CFAP92: variants seen among roughly 807,000 people sequenced by gnomAD.
The protein encoded by CFAP92 is cilia and flagella associated protein 92 (putative).
A neutral mutation model predicts 106.3 loss-of-function variants in CFAP92; 86 were observed. The observed-to-expected ratio is 0.81, with a 90% CI of 0.68 to 0.97. The LOEUF (loss-of-function observed/expected upper bound fraction) is 0.97, where lower values mean the gene tolerates loss of function less well. Among genes scored for constraint, CFAP92 ranks in the 50% least tolerant of loss-of-function variants. The pLI, the probability that CFAP92 is intolerant of heterozygous loss-of-function variation, is 0.00. For synonymous variants in CFAP92, 477 were observed against 506.4 expected, an observed-to-expected ratio of 0.94 and a Z score of 0.78; for missense variants, 1,204 against 1,283.8, an observed-to-expected ratio of 0.94 and a Z score of 0.95.
chr3:128,921,282 G>A (rs766635350), intron 12 of CFAP92, among the ~76,000 whole-genome samples: 20 of 152,322 alleles, frequency 1.3e-4, no homozygotes, highest in Admixed American at 2.0e-4. Context: ...GAGGACACCC[G>A]AGGACGACTG....
At chr3:128,912,415 GCTGA>G (rs1488208420) in intron 15 of CFAP92, 3 of 1,148,538 alleles carry the variant, frequency 2.6e-6, no homozygotes, top group African/African-American at 1.5e-5. Flanking sequence ...TGGTGGGTGG[GCTGA>G]CTTTGTGGAA....
intron 9 of CFAP92, among the ~76,000 whole-genome samples, chr3:128,965,247 A>T (rs1177812650): frequency 6.6e-6 from 1 of 151,900 alleles, no homozygotes; most frequent in Non-Finnish European, 1.5e-5. Flanking sequence ...GTAATTTTCC[A>T]TTACCTTCCC....
chr3:129,005,534 A>C (rs1945035268), upstream of CFAP92, among the ~76,000 whole-genome samples: 1 of 152,240 alleles, frequency 6.6e-6, no homozygotes, highest in Non-Finnish European at 1.5e-5. Flanking sequence ...AGGTGACAGA[A>C]GCAGATTTCA....
intron 11 of CFAP92, 124 bp from the exon 12 acceptor site, chr3:128,933,121 T>C (rs946755914): frequency 2.9e-5 from 26 of 888,316 alleles, no homozygotes; most frequent in Non-Finnish European, 4.3e-5. Flanking sequence ...GTCCTGGAGC[T>C]TGTGACTAAA....
At position 128,993,070 on chromosome 3, in the gene CFAP92, T is replaced by C. The variant is rs763486142; in HGVS notation, c.235A>G (p.Ile79Val). The C allele has an allele frequency of 6.2e-7, 1 of 1,614,030 alleles. No homozygotes were observed. The highest frequency in any genetic ancestry group is 8.5e-7 in the Non-Finnish European group (1 of 1,179,888). ...ATATTCACAGGGAAGGCCAGTGAGA[T>C]GGTGAATTTGCAGGGGACCACGTGG... ...VPHVVPCKFTISLAFPVNMGQ... is the reference protein window; with the variant it reads ...VPHVVPCKFTVSLAFPVNMGQ... The change falls in exon 2 of 16, where the codon ATC becomes GTC. Residue 79 changes from isoleucine (I) to valine (V), a missense_variant. By Grantham distance (29) the Ile-to-Val change is conservative. Transcript: ENST00000645291.
chr3:128,917,682 G>A (rs1295979693), intron 12 of CFAP92, among the ~76,000 whole-genome samples: 1 of 152,154 alleles, frequency 6.6e-6, no homozygotes, highest in South Asian at 2.1e-4. Flanking sequence ...AAAAGAAAAA[G>A]TATTGAGTAT....
chr3:128,956,196 T>TAAATAAAAAAAAAA (rs1941372225), intron 9 of CFAP92, among the ~76,000 whole-genome samples: 2 of 61,714 alleles, frequency 3.2e-5, no homozygotes, highest in African/African-American at 1.8e-4. Context: ...AAAAAAAAAA[T>TAAATAAAAAAAAAA]AAAAAAAAAA....
chr3:129,005,701 T>C (rs527705521), upstream of CFAP92, among the ~76,000 whole-genome samples: 1 of 152,318 alleles, frequency 6.6e-6, no homozygotes, highest in East Asian at 1.9e-4. Flanking sequence ...AGGGGTGGCC[T>C]TGAACCTACT....
chr3:128,927,244 G>GTT (rs911029592), intron 12 of CFAP92, among the ~76,000 whole-genome samples: 3 of 152,042 alleles, frequency 2.0e-5, no homozygotes, highest in African/African-American at 7.2e-5. Flanking sequence ...AATTTTGGAC[G>GTT]TTCCAGCCTC....
At chr3:128,938,795 T>C (rs943596449) in intron 10 of CFAP92, among the ~76,000 whole-genome samples, 7 of 151,938 alleles carry the variant, frequency 4.6e-5, no homozygotes, top group Non-Finnish European at 8.8e-5. Flanking sequence ...ACCATTCTTA[T>C]ATAAAACAGG....
intron 4 of CFAP92, 120 bp from the exon 5 acceptor site, chr3:128,978,305 A>G (rs1048683841): frequency 3.2e-6 from 3 of 951,886 alleles, no homozygotes; most frequent in African/African-American, 3.3e-5. Flanking sequence ...ACTAAAGTAA[A>G]TATCACAATA....
At chr3:128,912,663 ATGACT>A (rs1936473390) in intron 15 of CFAP92, 4 of 1,416,896 alleles carry the variant, frequency 2.8e-6, no homozygotes, top group African/African-American at 1.4e-5. Context: ...CCGTTGCTGG[ATGACT>A]GTTACTCTTT....
chr3:129,007,346 C>T (rs189241725), upstream of CFAP92, among the ~76,000 whole-genome samples: 6 of 152,284 alleles, frequency 3.9e-5, no homozygotes, highest in South Asian at 4.2e-4. Context: ...GAGGAATTAC[C>T]GGGAGGAAAG....
intron 8 of CFAP92, chr3:128,970,541 T>C (rs577463624): frequency 1.1e-4 from 17 of 152,378 alleles, no homozygotes; most frequent in African/African-American, 4.1e-4. Context: ...CACCCCATAT[T>C]ACTCTTTTTT....
At position 128,935,160 on chromosome 3, in the gene CFAP92, G is replaced by A. The variant is rs116179139; in HGVS notation, c.2418C>T (p.Asp806=). The part of the protein sequence containing the change: ...LLQQAVFFLR[D]TERRRVFQAL... ...CCTGGAAGACCCGCCTCCGCTCAGT[G>A]TCTCGCAGGAAGAACACCGCCTGCT... The change falls in exon 11 of 16, where the codon GAC becomes GAT. Residue 806 remains aspartate (D), a synonymous_variant. Coordinates refer to ENST00000645291, the MANE Select transcript of CFAP92 (RefSeq NM_001394090.1). The A allele has an allele frequency of 3.6e-3, 5,474 of 1,535,256 alleles. 152 individuals are homozygous for A. The African/African-American group carries it at 0.064, about 18-fold the overall frequency.
intron 15 of CFAP92, 66 bp from the exon 16 acceptor site, chr3:128,910,399 A>G (rs1936145022): frequency 4.2e-6 from 6 of 1,419,054 alleles, no homozygotes; most frequent in Non-Finnish European, 4.6e-6. Context: ...AGCAAGGGAC[A>G]GACCCTGCAC....
Position 128,916,288 on chromosome 3 carries a change from C to T in CFAP92, c.2752-17G>A. On this transcript the variant is annotated splice_polypyrimidine_tract_variant and intron_variant, in intron 12 of 15. Transcript: ENST00000645291. The stretch of plus-strand genomic sequence containing the variant: ...GATATTTTTCTGAAGAAAGAGACAC[C>T]AGTCACTACCCACACCAGGTCATCC... 8.1e-7 allele frequency: 1 copy of T among 1,231,790 alleles called. No individual in the cohort carries two copies. Among genetic ancestry groups the T allele is most frequent in the Non-Finnish European group, 1.0e-6 (1 of 987,696 alleles). 76.3% of individuals were successfully genotyped at this position (1,231,790 alleles called of 1,614,324 possible). A position where few individuals can be genotyped will look rare whatever the true frequency, so the allele number is the denominator to read the frequency against.
At chr3:128,931,437 A>T (rs1196112034) in intron 12 of CFAP92, among the ~76,000 whole-genome samples, 1 of 147,086 alleles carries the variant, frequency 6.8e-6, no homozygotes, top group Non-Finnish European at 1.5e-5. Context: ...AAGTGGTATG[A>T]GATATATATA....
chr3:129,008,808 G>A, the CFAP92 span, among the ~76,000 whole-genome samples: 6 of 152,166 alleles, frequency 3.9e-5, no homozygotes, highest in African/African-American at 1.4e-4. Context: ...GCCCCTGCCT[G>A]CTGAGGTGCA....
Sources: gnomAD v4.1 joint callset for allele counts (sites outside exome capture counted in the v4.1 genomes callset) on GRCh38, gnomAD v4.1.1 for gene constraint, MANE v1.5 for transcripts, NCBI Gene and HGNC (gene_info 2026-07-23, HGNC 2026-07-21) for gene names.